ZMYM1: variants seen among roughly 807,000 people sequenced by gnomAD.
ZMYM1 encodes the protein zinc finger MYM-type protein 1.
ZMYM1 carries 39 observed loss-of-function variants against 60.0 expected under a neutral mutation model. The ratio of observed to expected loss-of-function variants is 0.65; its 90% CI spans 0.50 to 0.85. The LOEUF (loss-of-function observed/expected upper bound fraction) is 0.85, where lower values mean the gene tolerates loss of function less well. Among genes scored for constraint, ZMYM1 ranks in the 40% least tolerant of loss-of-function variants. The pLI is 0.00. For missense variants in ZMYM1, 1,171 were observed against 1,309.5 expected (o/e 0.89, Z 1.63); for synonymous variants, 413 against 454.0 (o/e 0.91, Z 1.15).
intron 1 of ZMYM1, among the ~76,000 whole-genome samples, chr1:35,088,238 T>C (rs979893080): frequency 6.6e-6 from 1 of 151,412 alleles, no homozygotes; most frequent in Non-Finnish European, 1.5e-5. Flanking sequence ...GCCAACATGG[T>C]GAAAACCCGT....
At chr1:35,072,187 G>C (rs1384688613) in intron 1 of ZMYM1, among the ~76,000 whole-genome samples, 1 of 152,112 alleles carries the variant, frequency 6.6e-6, no homozygotes, top group East Asian at 1.9e-4. Context: ...TCCTGGATGT[G>C]TTTATGTTTT....
intron 4 of ZMYM1, among the ~76,000 whole-genome samples, chr1:35,102,799 G>A (rs1013962658): frequency 9.9e-5 from 15 of 152,064 alleles, no homozygotes; most frequent in African/African-American, 3.4e-4. Context: ...ATCATCCTTT[G>A]GTGTACAGAA....
At chr1:35,081,695 A>AT (rs1249219741) in intron 1 of ZMYM1, among the ~76,000 whole-genome samples, 1 of 151,708 alleles carries the variant, frequency 6.6e-6, no homozygotes, top group Non-Finnish European at 1.5e-5. Flanking sequence ...AATAAAATTG[A>AT]TTTTTTGTTT....
chr1:35,099,229 G>C (rs1309900116), intron 4 of ZMYM1, among the ~76,000 whole-genome samples: 1 of 152,114 alleles, frequency 6.6e-6, no homozygotes, highest in Admixed American at 6.6e-5. Context: ...TTATTCCATG[G>C]CACGTTACTT....
At chr1:35,081,414 T>G (rs1642383124) in intron 1 of ZMYM1, among the ~76,000 whole-genome samples, 2 of 152,142 alleles carry the variant, frequency 1.3e-5, no homozygotes, top group Non-Finnish European at 2.9e-5. Flanking sequence ...TGCTAGGCTC[T>G]GTATGCACAT....
At chr1:35,088,961 AC>A (rs1642839447) in intron 1 of ZMYM1, among the ~76,000 whole-genome samples, 2 of 151,364 alleles carry the variant, frequency 1.3e-5, no homozygotes, top group African/African-American at 4.9e-5. Context: ...ACAGGCGCCC[AC>A]CACCACGCCC....
chr1:35,077,049 C>T (rs1339839126), upstream of ZMYM1, among the ~76,000 whole-genome samples: 1 of 152,116 alleles, frequency 6.6e-6, no homozygotes, highest in African/African-American at 2.4e-5. Context: ...ACTATTGAGA[C>T]TTCAGGGCAA....
rs763983683 is a variant in ZMYM1 at position 35,113,624 on chromosome 1, A to G, written c.1794A>G (p.Gly598=). ...ELLEMRAKDK[G]EETFRLMNSQ... is the part of the protein sequence containing the mutation. The stretch of plus-strand genomic sequence containing the variant: ...TAGAAATGAGAGCAAAAGATAAAGG[A>G]GAAGAAACATTTCGACTTATGAATT... Residue 598 remains glycine, a synonymous_variant, in exon 10 of 10, where the codon GGA becomes GGG. Transcript: ENST00000359858. The G allele has an allele frequency of 1.2e-5, 19 of 1,613,266 alleles. No individual in the cohort carries two copies. In the South Asian group the frequency reaches 2.0e-4, roughly 17 times the overall value.
At chr1:35,074,921 C>T (rs564626841), upstream of ZMYM1, among the ~76,000 whole-genome samples, 10 of 151,248 alleles carry the variant, frequency 6.6e-5, no homozygotes, top group Admixed American at 3.3e-4. Context: ...AGTGCAGTGG[C>T]GCGATCTCGG....
chr1:35,093,064 T>TA (rs1431973846), intron 1 of ZMYM1, among the ~76,000 whole-genome samples: 1 of 151,880 alleles, frequency 6.6e-6, no homozygotes, highest in Non-Finnish European at 1.5e-5. Flanking sequence ...GGCAAAGAGG[T>TA]AAAAGACCTC....
chr1:35,102,543 T>C (rs965376086), intron 4 of ZMYM1, among the ~76,000 whole-genome samples: 1 of 152,224 alleles, frequency 6.6e-6, no homozygotes, highest in African/African-American at 2.4e-5. Flanking sequence ...TTTCCAAAAT[T>C]CTAATTATCA....
intron 1 of ZMYM1, among the ~76,000 whole-genome samples, chr1:35,061,613 A>G (rs1232914657): frequency 5.9e-5 from 9 of 151,334 alleles, no homozygotes; most frequent in Middle Eastern, 3.2e-3. Flanking sequence ...CGTCTCTAGT[A>G]AAAAAACAAA....
intron 1 of ZMYM1, among the ~76,000 whole-genome samples, chr1:35,073,101 A>G (rs1370529742): frequency 1.3e-5 from 2 of 151,556 alleles, no homozygotes; most frequent in East Asian, 3.9e-4. Flanking sequence ...AATACAAAAA[A>G]TACGAAAAAT....
intron 4 of ZMYM1, among the ~76,000 whole-genome samples, chr1:35,099,229 GCACGTTACTTAC>G (rs1643506745): frequency 6.6e-6 from 1 of 152,114 alleles, no homozygotes; most frequent in South Asian, 2.1e-4. Flanking sequence ...TTATTCCATG[GCACGTTACTTAC>G]CATTCTCTTT....
intron 1 of ZMYM1, among the ~76,000 whole-genome samples, chr1:35,083,176 CAG>C (rs894496271): frequency 6.7e-6 from 1 of 148,838 alleles, no homozygotes; most frequent in Non-Finnish European, 1.5e-5. Context: ...TTTTTTAAGA[CAG>C]GGTCTCACTG....
Position 35,115,291 on chromosome 1 carries a change from T to C in ZMYM1, c.*32T>C. Reference sequence around the variant, plus strand: ...CTCATTTGAACTTACCTAAAAGACTTGTATTTCCATTGGGATGTTTTCATT... The same window carrying C: ...CTCATTTGAACTTACCTAAAAGACTCGTATTTCCATTGGGATGTTTTCATT... On this transcript the variant is annotated 3_prime_UTR_variant, in exon 10 of 10. Transcript: ENST00000359858. 6.6e-7 allele frequency: 1 copy of C among 1,507,440 alleles called. No individual in the cohort carries two copies. The highest frequency in any genetic ancestry group is 8.8e-7 in the Non-Finnish European group (1 of 1,136,172). 93.4% of individuals were successfully genotyped at this position (1,507,440 alleles called of 1,614,324 possible). A position where few individuals can be genotyped will look rare whatever the true frequency, so the allele number is the denominator to read the frequency against.
chr1:35,061,592 T>C (rs11263982), intron 1 of ZMYM1, among the ~76,000 whole-genome samples: 30,318 of 151,398 alleles, frequency 0.2, 7,006 homozygotes, highest in African/African-American at 0.55. Flanking sequence ...CTGGCTAACA[T>C]GGTGAAACCC....
Position 35,114,105 on chromosome 1 carries a change from AAAG to A in ZMYM1, c.2279_2281del (p.Glu760del). 6.2e-7 allele frequency: 1 copy of A among 1,612,936 alleles called. No homozygotes were observed. Among genetic ancestry groups the A allele is most frequent in the South Asian group, 1.1e-5 (1 of 90,712 alleles). ...GGATTTATCAATAATTAGGTTTTGTAAAGAAGTAAAAGAACTCCGAAGTGCTCT... is the reference window on the plus strand; with the variant it reads ...GGATTTATCAATAATTAGGTTTTGTAAAGTAAAAGAACTCCGAAGTGCTCT... On this transcript the variant is annotated inframe_deletion, in exon 10 of 10. Transcript: ENST00000359858.
rs1008430124 is a variant in ZMYM1 at position 35,101,646 on chromosome 1, C to A, written c.420-2649C>A. On this transcript the variant is annotated intron_variant, in intron 4 of 9. Coordinates refer to ENST00000359858, the MANE Select transcript of ZMYM1 (RefSeq NM_024772.5). ...CTCTCCTCTTACAACCGCCCACCCC[C>A]CAAATTAATTCTTCTGTGGTCTGTG... 3.3e-5 allele frequency among the ~76,000 whole-genome samples: 5 copies of A among 151,638 alleles called. No individual in the cohort carries two copies. In the East Asian group the frequency reaches 9.7e-4, roughly 29 times the overall value.
Sources: gnomAD v4.1 joint callset for allele counts (sites outside exome capture counted in the v4.1 genomes callset) on GRCh38, gnomAD v4.1.1 for gene constraint, MANE v1.5 for transcripts, NCBI Gene and HGNC (gene_info 2026-07-23, HGNC 2026-07-21) for gene names.